The following CTTNBP2NL variants were observed in gnomAD, a reference collection of about 807,000 sequenced individuals.
The protein encoded by CTTNBP2NL is CTTNBP2 N-terminal like.
CTTNBP2NL carries 16 observed loss-of-function variants against 32.5 expected under a neutral mutation model. That is an observed-to-expected ratio of 0.49 (90% CI 0.33 to 0.75). The LOEUF is 0.75. Ranked by LOEUF, CTTNBP2NL falls within the 30% of genes least tolerant of loss-of-function variation. The probability of loss-of-function intolerance (pLI) is 0.02; values close to 1 mark genes in which losing one functional copy is unlikely to be tolerated. For missense variants in CTTNBP2NL, 645 were observed against 756.0 expected, an observed-to-expected ratio of 0.85 and a Z score of 1.72; for synonymous variants, 298 against 289.4, an observed-to-expected ratio of 1.03 and a Z score of -0.30.
intron 1 of CTTNBP2NL, among the ~76,000 whole-genome samples, chr1:112,401,345 G>T (rs923598703): frequency 2.2e-4 from 34 of 152,244 alleles, no homozygotes; most frequent in South Asian, 1.7e-3. Context: ...TTGTCATGCA[G>T]ATTATCTTTC....
rs781049782 is a variant in CTTNBP2NL, at chr1:112,426,001, G to C, written c.99+9737G>C. Among the ~76,000 whole-genome samples, 640 of 72,660 alleles carry C rather than the reference G, an allele frequency of 8.8e-3. 4 individuals are homozygous for C. The highest frequency in any genetic ancestry group is 0.019 in the African/African-American group (551 of 29,188). The allele number at this position is 72,660 out of a possible 152,430, so 47.7% of individuals were successfully genotyped here. On this transcript the variant is annotated intron_variant, in intron 3 of 5. Transcript: ENST00000271277. ...TGTGTGTGTGTGTGTGTGTGTGTGTGTGTCTGTCTGTCTTACTACATTGGC... is the reference window on the plus strand; with the variant it reads ...TGTGTGTGTGTGTGTGTGTGTGTGTCTGTCTGTCTGTCTTACTACATTGGC...
At chr1:112,439,021 T>C (rs779196655) in intron 3 of CTTNBP2NL, among the ~76,000 whole-genome samples, 9 of 152,216 alleles carry the variant, frequency 5.9e-5, no homozygotes, top group Non-Finnish European at 1.2e-4. Flanking sequence ...TAGCTACTTC[T>C]TTCTACGTAA....
At chr1:112,428,266 AT>A (rs1338263792) in intron 3 of CTTNBP2NL, among the ~76,000 whole-genome samples, 2 of 152,052 alleles carry the variant, frequency 1.3e-5, no homozygotes, top group Non-Finnish European at 2.9e-5. Flanking sequence ...AGAAATGTTG[AT>A]TTTTTTAAGT....
At chr1:112,394,655 C>T (rs1159257715), upstream of CTTNBP2NL, among the ~76,000 whole-genome samples, 1 of 152,146 alleles carries the variant, frequency 6.6e-6, no homozygotes, top group Non-Finnish European at 1.5e-5. Context: ...AGAGATGACC[C>T]TCCCAAGCCT....
intron 4 of CTTNBP2NL, among the ~76,000 whole-genome samples, chr1:112,452,645 C>CTTTTTTTTTTTTT (rs34842059): frequency 6.0e-5 from 8 of 133,096 alleles, no homozygotes; most frequent in African/African-American, 2.5e-4. Flanking sequence ...CTCCTGGCCT[C>CTTTTTTTTTTTTT]TTTTTTTTTT....
chr1:112,425,472 A>G (rs1406954135), intron 3 of CTTNBP2NL, among the ~76,000 whole-genome samples: 3 of 152,174 alleles, frequency 2.0e-5, no homozygotes, highest in African/African-American at 7.2e-5. Context: ...CTCCATCCCC[A>G]TCAAAAAAAG....
At chr1:112,453,798 C>G (rs1371868536) in intron 4 of CTTNBP2NL, among the ~76,000 whole-genome samples, 2 of 152,014 alleles carry the variant, frequency 1.3e-5, no homozygotes, top group Non-Finnish European at 2.9e-5. Context: ...GGGCTTAATC[C>G]TTTGGCACCA....
chr1:112,411,281 G>T (rs895623316), intron 1 of CTTNBP2NL, among the ~76,000 whole-genome samples: 2 of 152,132 alleles, frequency 1.3e-5, no homozygotes, highest in Non-Finnish European at 2.9e-5. Context: ...ACTCAAATGG[G>T]CTTTCAGACT....
At chr1:112,446,851 T>C (rs1333663532) in intron 3 of CTTNBP2NL, among the ~76,000 whole-genome samples, 1 of 152,168 alleles carries the variant, frequency 6.6e-6, no homozygotes, top group African/African-American at 2.4e-5. Context: ...CGGCCGGCTA[T>C]TCACCATGTT....
intron 3 of CTTNBP2NL, among the ~76,000 whole-genome samples, chr1:112,417,013 G>A (rs1649087963): frequency 1.3e-5 from 2 of 152,092 alleles, no homozygotes; most frequent in Admixed American, 1.3e-4. Flanking sequence ...AATTGTCACT[G>A]CTAATTGCCT....
At chr1:112,399,172 A>T (rs1046647781) in intron 1 of CTTNBP2NL, among the ~76,000 whole-genome samples, 1 of 152,026 alleles carries the variant, frequency 6.6e-6, no homozygotes, top group Non-Finnish European at 1.5e-5. Context: ...GTAAAAAATT[A>T]GCTGGATGTG....
Position 112,456,329 on chromosome 1 carries a change from T to C in CTTNBP2NL, c.837T>C (p.Ala279=), listed in dbSNP as rs920951733. ...AGAAGATAGTGAAGGACCTAGAGGCTTCCCACCAGCACAGTAGCCCTAATG... is the reference window on the plus strand; with the variant it reads ...AGAAGATAGTGAAGGACCTAGAGGCCTCCCACCAGCACAGTAGCCCTAATG... ...SLKKIVKDLE[A]SHQHSSPNEQ... is the part of the protein sequence containing the mutation. Residue 279 remains alanine (A), a synonymous_variant, in exon 6 of 6, where the codon GCT becomes GCC. Coordinates refer to ENST00000271277, the MANE Select transcript of CTTNBP2NL (RefSeq NM_018704.3). 1.2e-6 allele frequency: 2 copies of C among 1,613,956 alleles called. No homozygotes were observed. The highest frequency in any genetic ancestry group is 1.7e-6 in the Non-Finnish European group (2 of 1,180,018).
intron 1 of CTTNBP2NL, among the ~76,000 whole-genome samples, chr1:112,406,139 G>A (rs549382715): frequency 2.6e-5 from 4 of 151,752 alleles, no homozygotes; most frequent in South Asian, 2.1e-4. Flanking sequence ...AGCCGAGATC[G>A]CGCCATTGCA....
chr1:112,457,550 A>G lies in CTTNBP2NL; in HGVS notation c.*138A>G, dbSNP rs567471694. ...TATAATACATTTAGTATATTTCACC[A>G]TTTTGTATTTTTTTAAGTAGAAACT... On this transcript the variant is annotated 3_prime_UTR_variant, in exon 6 of 6. Transcript: ENST00000271277. The G allele has an allele frequency of 3.2e-4, 250 of 772,426 alleles. No individual in the cohort carries two copies. The highest frequency in any genetic ancestry group is 2.4e-5 in the Non-Finnish European group (12 of 510,104). 47.8% of individuals were successfully genotyped at this position (772,426 alleles called of 1,614,324 possible). A position where few individuals can be genotyped will look rare whatever the true frequency, so the allele number is the denominator to read the frequency against.
intron 4 of CTTNBP2NL, among the ~76,000 whole-genome samples, chr1:112,452,201 C>G (rs1650240765): frequency 6.6e-6 from 1 of 151,964 alleles, no homozygotes; most frequent in Non-Finnish European, 1.5e-5. Flanking sequence ...GCTGTGTTGC[C>G]TGGGCGGGAG....
intron 1 of CTTNBP2NL, among the ~76,000 whole-genome samples, chr1:112,402,737 A>G (rs915503113): frequency 3.3e-5 from 5 of 152,214 alleles, no homozygotes; most frequent in African/African-American, 1.2e-4. Flanking sequence ...GTCTAGCCCT[A>G]TATATCAGTT....
At chr1:112,423,577 A>G (rs1557889382) in intron 3 of CTTNBP2NL, among the ~76,000 whole-genome samples, 2 of 152,236 alleles carry the variant, frequency 1.3e-5, no homozygotes, top group Admixed American at 6.5e-5. Flanking sequence ...TAGACAGGAA[A>G]AAAGAAAAGA....
chr1:112,424,733 A>G (rs571268772), intron 3 of CTTNBP2NL, among the ~76,000 whole-genome samples: 1 of 151,674 alleles, frequency 6.6e-6, no homozygotes, highest in African/African-American at 2.4e-5. Flanking sequence ...GCTTTTTCAC[A>G]TTTTTTTTGT....
chr1:112,398,095 C>T (rs1648384575), intron 1 of CTTNBP2NL, among the ~76,000 whole-genome samples: 1 of 152,030 alleles, frequency 6.6e-6, no homozygotes, highest in South Asian at 2.1e-4. Context: ...AAACTAAAAG[C>T]AGAACAGAAA....
Sources: gnomAD v4.1 joint callset for allele counts (sites outside exome capture counted in the v4.1 genomes callset) on GRCh38, gnomAD v4.1.1 for gene constraint, MANE v1.5 for transcripts, NCBI Gene and HGNC (gene_info 2026-07-23, HGNC 2026-07-21) for gene names.